Variants in TJP2 observed in about 807,000 individuals in gnomAD.
The protein encoded by TJP2 is tight junction protein 2, also known as Friedreich ataxia region gene X104 (tight junction protein ZO-2).
In TJP2, 91 loss-of-function variants were observed where a neutral mutation model predicts 133.1. That is an observed-to-expected ratio of 0.68 (90% CI 0.58 to 0.81). TJP2 has a LOEUF of 0.81. Ranked by LOEUF, TJP2 falls within the 40% of genes least tolerant of loss-of-function variation. The probability of loss-of-function intolerance (pLI) is 0.00; values close to 1 mark genes in which losing one functional copy is unlikely to be tolerated. For missense variants in TJP2, 1,541 were observed against 1,565.6 expected, an observed-to-expected ratio of 0.98 and a Z score of 0.26; for synonymous variants, 592 against 583.4, an observed-to-expected ratio of 1.01 and a Z score of -0.21.
intron 2 of TJP2, among the ~76,000 whole-genome samples, chr9:69,156,489 A>G (rs1250512795): frequency 6.7e-6 from 1 of 149,910 alleles, no homozygotes; most frequent in Non-Finnish European, 1.5e-5. Flanking sequence ...TATACATTTT[A>G]GGGAGACATA....
chr9:69,183,370 TC>T, intron 1 of TJP2, among the ~76,000 whole-genome samples: 1 of 152,326 alleles, frequency 6.6e-6, no homozygotes, highest in Non-Finnish European at 1.5e-5. Context: ...GAACTTCTCT[TC>T]TGACTTCTCT....
intron 1 of TJP2, among the ~76,000 whole-genome samples, chr9:69,198,067 T>G (rs1826713724): frequency 6.6e-6 from 1 of 152,094 alleles, no homozygotes; most frequent in Non-Finnish European, 1.5e-5. Flanking sequence ...TTAAATTTAT[T>G]GCTGTTTGCA....
At chr9:69,133,124 G>T (rs11145391) in intron 1 of TJP2, among the ~76,000 whole-genome samples, 67,005 of 151,844 alleles carry the variant, frequency 0.44, 14,874 homozygotes, top group South Asian at 0.51. Context: ...ATCACACCTG[G>T]CTAATTTTTG....
chr9:69,221,991 C>A (rs145625911), intron 5 of TJP2, among the ~76,000 whole-genome samples: 1 of 151,198 alleles, frequency 6.6e-6, no homozygotes, highest in Admixed American at 6.6e-5. Flanking sequence ...CCTGCCTCAG[C>A]CTCCCTAGTA....
chr9:69,209,941 C>T (rs895798072), intron 1 of TJP2, among the ~76,000 whole-genome samples: 4 of 152,168 alleles, frequency 2.6e-5, no homozygotes, highest in Non-Finnish European at 4.4e-5. Flanking sequence ...ACCCACCTCA[C>T]GTATGCTATC....
intron 1 of TJP2, among the ~76,000 whole-genome samples, chr9:69,146,868 C>T (rs1379642496): frequency 1.3e-5 from 2 of 152,078 alleles, no homozygotes; most frequent in South Asian, 2.1e-4. Flanking sequence ...GTCAACGGTG[C>T]CACTGGTGAG....
At chr9:69,192,590 T>C (rs1826277085) in intron 1 of TJP2, among the ~76,000 whole-genome samples, 1 of 152,244 alleles carries the variant, frequency 6.6e-6, no homozygotes. Context: ...TTTGTTGCTC[T>C]CCTTCAGATA....
intron 1 of TJP2, among the ~76,000 whole-genome samples, chr9:69,210,878 C>T (rs1827853671): frequency 6.6e-6 from 1 of 152,008 alleles, no homozygotes; most frequent in South Asian, 2.1e-4. Flanking sequence ...TGGCATGTGC[C>T]ACCATGCCTG....
intron 1 of TJP2, among the ~76,000 whole-genome samples, chr9:69,180,188 GAGTTATTAGAAT>G (rs71963248): frequency 0.46 from 70,325 of 151,780 alleles, 16,523 homozygotes; most frequent in South Asian, 0.53. Flanking sequence ...TTGTGGGAGA[GAGTTATTAGAAT>G]AGTTATTCTT....
intron 1 of TJP2, chr9:69,204,759 G>C: frequency 1.0e-6 from 1 of 966,264 alleles, no homozygotes; most frequent in African/African-American, 1.7e-5. Flanking sequence ...GTATCAGAGG[G>C]TCTATACTGT....
chr9:69,251,347 G>A lies in TJP2; in HGVS notation c.3304G>A (p.Glu1102Lys). The change falls in exon 21 of 23, where the codon GAA (glutamate) becomes AAA (lysine). Residue 1102 changes from glutamate to lysine, a missense_variant. Transcript: ENST00000377245. ...GTTACAGAGAATGCAGGAGCTCCAGGAAGCACAGAATGCAAGGGTAATTGT... is the reference window on the plus strand; with the variant it reads ...GTTACAGAGAATGCAGGAGCTCCAGAAAGCACAGAATGCAAGGGTAATTGT... ...ARLQRMQELQ[E>K]AQNARIEIAQ... is the part of the protein sequence containing the mutation. The A allele has an allele frequency of 6.2e-7, 1 of 1,613,842 alleles. No homozygotes were observed. The highest frequency in any genetic ancestry group is 1.1e-5 in the South Asian group (1 of 91,080).
chr9:69,157,949 G>A (rs1313548422), intron 2 of TJP2, among the ~76,000 whole-genome samples: 2 of 152,166 alleles, frequency 1.3e-5, no homozygotes, highest in South Asian at 4.1e-4. Context: ...AGGTTCTGAA[G>A]CATAATTTAA....
chr9:69,230,261 A>G, intron 11 of TJP2, 29 bp downstream of exon 11: 1 of 1,613,702 alleles, frequency 6.2e-7, no homozygotes, highest in Non-Finnish European at 8.5e-7. Context: ...TGTTTCTAGA[A>G]GTTACTTGTA....
intron 1 of TJP2, among the ~76,000 whole-genome samples, chr9:69,134,942 G>T (rs1822659896): frequency 6.7e-6 from 1 of 150,254 alleles, no homozygotes; most frequent in African/African-American, 2.5e-5. Context: ...GGAGAAGAGA[G>T]AAGAGGAGAG....
chr9:69,139,933 G>A (rs1437103273), intron 1 of TJP2, among the ~76,000 whole-genome samples: 5 of 152,236 alleles, frequency 3.3e-5, no homozygotes, highest in Admixed American at 3.3e-4. Flanking sequence ...CACTGGGCAG[G>A]CTTCTGTCTG....
chr9:69,150,111 C>T (rs759419393), intron 1 of TJP2, among the ~76,000 whole-genome samples: 3 of 152,034 alleles, frequency 2.0e-5, no homozygotes, highest in Non-Finnish European at 4.4e-5. Flanking sequence ...GATTGTGCCA[C>T]TGCACTCCAG....
chr9:69,249,081 T>G, intron 19 of TJP2: 1 of 1,132,488 alleles, frequency 8.8e-7, no homozygotes, highest in Non-Finnish European at 1.1e-6. Flanking sequence ...AAGAATAAAT[T>G]AACTTCCAAA....
chr9:69,246,868 C>T, intron 18 of TJP2, 78 bp downstream of exon 18: 1 of 1,258,634 alleles, frequency 7.9e-7, no homozygotes, highest in Non-Finnish European at 1.2e-6. Flanking sequence ...TGAATGTAGT[C>T]AAGCCATGCC....
chr9:69,161,214 A>ATG (rs111442939), intron 2 of TJP2, among the ~76,000 whole-genome samples: 10,085 of 148,364 alleles, frequency 0.068, 480 homozygotes, highest in African/African-American at 0.14. Context: ...GTCATCAGTG[A>ATG]TGTGTGTGTG....
Sources: gnomAD v4.1 joint callset for allele counts (sites outside exome capture counted in the v4.1 genomes callset) on GRCh38, gnomAD v4.1.1 for gene constraint, MANE v1.5 for transcripts, NCBI Gene and HGNC (gene_info 2026-07-23, HGNC 2026-07-21) for gene names.